Variants in CNPY2 observed in about 807,000 individuals in gnomAD.
CNPY2 encodes protein canopy homolog 2.
Under a neutral mutation model 25.5 loss-of-function variants are expected in CNPY2, and 19 were observed. That is an observed-to-expected ratio of 0.74 (90% CI 0.52 to 1.09). The LOEUF (loss-of-function observed/expected upper bound fraction) is 1.09. CNPY2 is among the 50% of genes least tolerant of loss of function. The pLI is 0.00. For synonymous variants in CNPY2, 82 were observed against 85.0 expected (o/e 0.96, Z 0.19); for missense variants, 214 against 233.6 (o/e 0.92, Z 0.55).
chr12:56,315,102 C>T, intron 2 of CNPY2, 28 bp downstream of exon 2: 1 of 1,610,056 alleles, frequency 6.2e-7, no homozygotes, highest in Non-Finnish European at 8.5e-7. Context: ...TCTGCTTCCT[C>T]CACTTCTTTT....
intron 3 of CNPY2, chr12:56,311,755 T>C: frequency 5.6e-6 from 2 of 354,820 alleles, no homozygotes; most frequent in South Asian, 4.5e-5. Flanking sequence ...TTTCTCTGTG[T>C]TGGTCGGGCT....
chr12:56,311,613 G>A (rs1436330603), intron 3 of CNPY2, 199 bp from the exon 4 acceptor site: 8 of 611,138 alleles, frequency 1.3e-5, no homozygotes, highest in African/African-American at 5.5e-5. Flanking sequence ...GTGCATTGGC[G>A]CCATCTCGGC....
intron 5 of CNPY2, 68 bp downstream of exon 5, chr12:56,310,890 T>C: frequency 2.1e-6 from 3 of 1,405,414 alleles, no homozygotes; most frequent in South Asian, 1.2e-5. Context: ...TGGGGGTGTA[T>C]GGGTGAGTTA....
At chr12:56,311,106 C>T (rs532258138) in intron 4 of CNPY2, 52 bp from the exon 5 acceptor site, 1 of 1,602,680 alleles carries the variant, frequency 6.2e-7, no homozygotes, top group East Asian at 2.2e-5. Flanking sequence ...AGGCCTCTTG[C>T]CTTCACTTCC....
rs56822059 is a variant in CNPY2, at chr12:56,312,222, C to CTTTTTTTTTTTTT, written c.205-821_205-809dup. On this transcript the variant is annotated intron_variant, in intron 3 of 5. Transcript: ENST00000273308. ...TTTACTTGATAGTTTCAAAGTACTTCTTTTTTTTTTTTTTTTTTTTTTTTT... is the reference window on the plus strand; with the variant it reads ...TTTACTTGATAGTTTCAAAGTACTTCTTTTTTTTTTTTTTTTTTTTTTTTTTTTTTTTTTTTTT... 6.2e-4 allele frequency among the ~76,000 whole-genome samples: 84 copies of CTTTTTTTTTTTTT among 135,898 alleles called. 4 individuals carry two copies. The highest frequency in any genetic ancestry group is 1.9e-3 in the East Asian group (9 of 4,820). 89.2% of individuals were successfully genotyped at this position (135,898 alleles called of 152,430 possible). A position where few individuals can be genotyped will look rare whatever the true frequency, so the allele number is the denominator to read the frequency against.
rs1382221513 is a variant in CNPY2, at chr12:56,315,204, C to T, written c.14G>A (p.Gly5Asp). The T allele has an allele frequency of 1.2e-6, 2 of 1,613,990 alleles. No individual in the cohort carries two copies. The highest frequency in any genetic ancestry group is 1.7e-6 in the Non-Finnish European group (2 of 1,179,866). Reference sequence around the variant, plus strand: ...GGCCCCCAGAAGCAGGGCCAGCCAACCCCAGCCTTTCATCTTTAGCGTAAT... The same window carrying T: ...GGCCCCCAGAAGCAGGGCCAGCCAATCCCAGCCTTTCATCTTTAGCGTAAT... MKGW[G>D]WLALLLGALL... is the part of the protein sequence containing the mutation. Residue 5 changes from glycine (G) to aspartate (D), a missense_variant, in exon 2 of 6, where the codon GGT (glycine) becomes GAT (aspartate). Gly to Asp is a moderately conservative substitution (Grantham distance 94). Transcript: ENST00000273308.
Position 56,310,092 on chromosome 12 carries a change from C to CAA in CNPY2, c.*459_*460insTT. 1 of 661,156 alleles carries CAA rather than the reference C, an allele frequency of 1.5e-6. No homozygotes were observed. Among genetic ancestry groups the CAA allele is most frequent in the Non-Finnish European group, 2.7e-6 (1 of 367,052 alleles). 41.0% of individuals were successfully genotyped at this position (661,156 alleles called of 1,614,324 possible). On this transcript the variant is annotated 3_prime_UTR_variant, in exon 6 of 6. Coordinates refer to ENST00000273308, the MANE Select transcript of CNPY2 (RefSeq NM_014255.7). Reference sequence around the variant, plus strand: ...TATTTCCTTCAAGACCAAGCCCTGTCTTACTTTATGTTTCAACAGCCATGA... The same window carrying CAA: ...TATTTCCTTCAAGACCAAGCCCTGTCAATTACTTTATGTTTCAACAGCCATGA...
intron 1 of CNPY2, among the ~76,000 whole-genome samples, 195 bp from the exon 2 acceptor site, chr12:56,315,437 G>C (rs1592423605): frequency 6.6e-6 from 1 of 152,370 alleles, no homozygotes; most frequent in South Asian, 2.1e-4. Context: ...TGGTGGGTGG[G>C]AGCGCGAGCT....
chr12:56,315,371 C>G, intron 1 of CNPY2, 129 bp from the exon 2 acceptor site: 1 of 622,714 alleles, frequency 1.6e-6, no homozygotes, highest in Non-Finnish European at 2.8e-6. Flanking sequence ...AGGAAATGGC[C>G]GGGACACAAA....
In CNPY2 at chr12:56,315,164, G is replaced by A. The variant is rs373936028; in HGVS notation, c.54C>T (p.Ala18=). The part of the protein sequence containing the change: ...ALLLGALLGT[A]WARRSQDLHC... ...GGAGATCCTGGCTCCTCCGAGCCCA[G>A]GCGGTTCCCAGCAGGGCCCCCAGAA... Residue 18 remains alanine (A), a synonymous_variant, in exon 2 of 6, where the codon GCC becomes GCT. Coordinates refer to ENST00000273308, the MANE Select transcript of CNPY2 (RefSeq NM_014255.7). 1.2e-6 allele frequency: 2 copies of A among 1,614,110 alleles called. No homozygotes were observed. Among genetic ancestry groups the A allele is most frequent in the Non-Finnish European group, 1.7e-6 (2 of 1,179,990 alleles).
chr12:56,313,872 C>T (rs1251741092), intron 3 of CNPY2, among the ~76,000 whole-genome samples: 1 of 151,058 alleles, frequency 6.6e-6, no homozygotes, highest in Non-Finnish European at 1.5e-5. Context: ...TCCCAAAGTG[C>T]TGGCATTACG....
intron 3 of CNPY2, chr12:56,314,514 A>T: frequency 2.6e-6 from 3 of 1,152,566 alleles, no homozygotes; most frequent in African/African-American, 1.6e-5. Context: ...CTGTTTTTTC[A>T]TTTTTTATTT....
At chr12:56,310,825 C>T (rs755527248) in intron 5 of CNPY2, 133 bp downstream of exon 5, 7 of 926,998 alleles carry the variant, frequency 7.6e-6, no homozygotes, top group Non-Finnish European at 1.2e-5. Context: ...CCCCAAGTCC[C>T]TAAGCCAAGG....
In CNPY2 at chr12:56,310,142, C is replaced by T. The variant is rs1873675826; in HGVS notation, c.*410G>A. On this transcript the variant is annotated 3_prime_UTR_variant, in exon 6 of 6. Transcript: ENST00000273308. ...AACACAAGGGATTTCTAGAATTCTACACTACCATACACTATGTTCCCCTGC... is the reference window on the plus strand; with the variant it reads ...AACACAAGGGATTTCTAGAATTCTATACTACCATACACTATGTTCCCCTGC... The T allele has an allele frequency of 1.6e-6, 1 of 615,244 alleles. No homozygotes were observed. Among genetic ancestry groups the T allele is most frequent in the African/African-American group, 1.8e-5 (1 of 54,200 alleles). The allele number at this position is 615,244 out of a possible 1,614,324, so 38.1% of individuals were successfully genotyped here.
chr12:56,312,289 G>C (rs1873745135), intron 3 of CNPY2: 1 of 148,846 alleles, frequency 6.7e-6, no homozygotes, highest in East Asian at 1.9e-4. Context: ...GAGTGCAGTG[G>C]TGTGATGACT....
rs1357691703 is a variant in CNPY2 at position 56,310,571 on chromosome 12, A to G, written c.530T>C (p.Ile177Thr). 1 of 1,614,232 alleles carries G rather than the reference A, an allele frequency of 6.2e-7. No individual in the cohort carries two copies. Among genetic ancestry groups the G allele is most frequent in the African/African-American group, 1.3e-5 (1 of 75,056 alleles). Residue 177 changes from isoleucine (I) to threonine (T), a missense_variant, in exon 6 of 6, where the codon ATA becomes ACA. By Grantham distance (89) the Ile-to-Thr change is moderately conservative. Transcript: ENST00000273308. ...RTDLCDHALHISHDEL is the reference protein window; with the variant it reads ...RTDLCDHALHTSHDEL ...AGTGGTTCATAGCTCATCATGCGAT[A>G]TGTGCAGGGCATGGTCACAAAGATC... is the stretch of plus-strand genomic sequence containing the variant.
chr12:56,315,279 G>C, intron 1 of CNPY2, 37 bp from the exon 2 acceptor site: 1 of 1,321,080 alleles, frequency 7.6e-7, no homozygotes, highest in Non-Finnish European at 1.1e-6. Context: ...AGTGTGAGGA[G>C]CCGACTCCAT....
chr12:56,311,718 A>T (rs939977980), intron 3 of CNPY2: 2 of 375,254 alleles, frequency 5.3e-6, no homozygotes, highest in Non-Finnish European at 1.0e-5. Context: ...CACCCAGCTA[A>T]CTTTTGTATT....
chr12:56,313,611 CTT>C (rs1346568653), intron 3 of CNPY2, among the ~76,000 whole-genome samples: 16 of 142,542 alleles, frequency 1.1e-4, no homozygotes, highest in Non-Finnish European at 7.7e-5. Context: ...TTTTTCTTTT[CTT>C]TTTTTTTTTT....
Sources: gnomAD v4.1 joint callset for allele counts (sites outside exome capture counted in the v4.1 genomes callset) on GRCh38, gnomAD v4.1.1 for gene constraint, MANE v1.5 for transcripts, NCBI Gene and HGNC (gene_info 2026-07-23, HGNC 2026-07-21) for gene names.